Variants in SLC5A12 observed in about 807,000 individuals in gnomAD.
SLC5A12 encodes the protein solute carrier family 5 member 12, also known as sodium-coupled monocarboxylate transporter 2.
Under a neutral mutation model 72.7 loss-of-function variants are expected in SLC5A12, and 46 were observed. The observed-to-expected ratio is 0.63, with a 90% confidence interval of 0.50 to 0.81. The LOEUF is 0.81. Ranked by LOEUF, SLC5A12 falls within the 30% of genes least tolerant of loss-of-function variation. The pLI, the probability that SLC5A12 is intolerant of heterozygous loss-of-function variation, is 0.00. For missense variants in SLC5A12, 683 were observed against 740.7 expected (o/e 0.92, Z 0.90); for synonymous variants, 275 against 264.4 (o/e 1.04, Z -0.39).
intron 11 of SLC5A12, 24 bp downstream of exon 11, chr11:26,683,733 T>C (rs1359602766): frequency 6.4e-7 from 1 of 1,557,352 alleles, no homozygotes; most frequent in South Asian, 1.2e-5. Context: ...CTGGGAATTG[T>C]GAAGAGGGCT....
chr11:26,722,683 G>C (rs1855504158), upstream of SLC5A12, among the ~76,000 whole-genome samples: 1 of 152,032 alleles, frequency 6.6e-6, no homozygotes, highest in Admixed American at 6.6e-5. Context: ...GGCTAAGTTA[G>C]AATTAGGACC....
Position 26,703,802 on chromosome 11 carries a change from T to C in SLC5A12, c.671A>G (p.His224Arg), listed in dbSNP as rs570192311. 3.1e-6 allele frequency: 5 copies of C among 1,613,916 alleles called. No homozygotes were observed. In the African/African-American group the frequency reaches 5.3e-5, roughly 17 times the overall value. Residue 224 changes from histidine (H) to arginine (R), a missense_variant, in exon 5 of 15, where the codon CAT becomes CGT. By Grantham distance (29) the His-to-Arg change is conservative. Coordinates refer to ENST00000396005, the MANE Select transcript of SLC5A12 (RefSeq NM_178498.4). ...LEQSTNGSRL[H>R]IFDFDVDPLR... ...GTTGCATTGGACATACTCAAATATA[T>C]GTAGTCGAGATCCATTTGTTGATTG...
chr11:26,712,898 T>A (rs974417972), intron 1 of SLC5A12, among the ~76,000 whole-genome samples, 192 bp from the exon 2 acceptor site: 2 of 152,112 alleles, frequency 1.3e-5, no homozygotes, highest in Non-Finnish European at 2.9e-5. Flanking sequence ...AAAATCAATT[T>A]CTGTTCGTGT....
intron 14 of SLC5A12, 21 bp from the exon 15 acceptor site, chr11:26,671,272 C>A (rs747199234): frequency 6.4e-7 from 1 of 1,565,130 alleles, no homozygotes; most frequent in Non-Finnish European, 8.7e-7. Flanking sequence ...TACAAAGACA[C>A]ATATTAGCAA....
intron 8 of SLC5A12, among the ~76,000 whole-genome samples, chr11:26,695,505 G>A (rs1293448566): frequency 6.6e-6 from 1 of 152,086 alleles, no homozygotes; most frequent in Non-Finnish European, 1.5e-5. Flanking sequence ...ACAGAATGGA[G>A]AAACCTTTTT....
chr11:26,702,189 T>G (rs1854973621), intron 6 of SLC5A12, among the ~76,000 whole-genome samples: 1 of 152,124 alleles, frequency 6.6e-6, no homozygotes, highest in South Asian at 2.1e-4. Context: ...GATGACCACA[T>G]GTGTGGAGGG....
At chr11:26,674,642 A>T (rs1287121529) in intron 13 of SLC5A12, among the ~76,000 whole-genome samples, 7 of 152,118 alleles carry the variant, frequency 4.6e-5, no homozygotes, top group African/African-American at 1.7e-4. Context: ...ACCTCAGGTG[A>T]TCTGCCCACC....
intron 14 of SLC5A12, 103 bp from the exon 15 acceptor site, chr11:26,671,354 A>G (rs1854138639): frequency 1.0e-6 from 1 of 954,108 alleles, no homozygotes; most frequent in Non-Finnish European, 1.5e-6. Context: ...AATTATATAT[A>G]TGTACAAAAG....
intron 9 of SLC5A12, among the ~76,000 whole-genome samples, chr11:26,690,099 G>A (rs946188697): frequency 6.6e-6 from 1 of 152,146 alleles, no homozygotes; most frequent in Admixed American, 6.6e-5. Context: ...CTAGGTGGAA[G>A]GCTTACAAAG....
At chr11:26,721,261 T>G (rs1445061671) in intron 1 of SLC5A12, 115 bp downstream of exon 1, 4 of 793,434 alleles carry the variant, frequency 5.0e-6, no homozygotes, top group Non-Finnish European at 7.9e-6. Context: ...CATTTTAATG[T>G]CTTTCTCATA....
chr11:26,708,524 A>T (rs1014461261), intron 4 of SLC5A12, among the ~76,000 whole-genome samples: 1 of 152,118 alleles, frequency 6.6e-6, no homozygotes, highest in African/African-American at 2.4e-5. Flanking sequence ...ACCAAAATAC[A>T]TGAATCATCT....
chr11:26,722,681 T>G (rs1855504097), upstream of SLC5A12, among the ~76,000 whole-genome samples: 1 of 152,148 alleles, frequency 6.6e-6, no homozygotes, highest in Non-Finnish European at 1.5e-5. Context: ...CAGGCTAAGT[T>G]AGAATTAGGA....
At chr11:26,686,925 A>G (rs1854549859) in intron 9 of SLC5A12, among the ~76,000 whole-genome samples, 1 of 152,236 alleles carries the variant, frequency 6.6e-6, no homozygotes, top group African/African-American at 2.4e-5. Flanking sequence ...GAGCTGAAAA[A>G]GAAGCTACTA....
chr11:26,669,264 T>G lies in SLC5A12; in HGVS notation c.*1838A>C, dbSNP rs779955661. The G allele has an allele frequency of 1.3e-5, 2 of 148,752 alleles. No homozygotes were observed. Among genetic ancestry groups the G allele is most frequent in the Non-Finnish European group, 3.0e-5 (2 of 66,958 alleles). 9.2% of individuals were successfully genotyped at this position (148,752 alleles called of 1,614,324 possible). A position where few individuals can be genotyped will look rare whatever the true frequency, so the allele number is the denominator to read the frequency against. On this transcript the variant is annotated 3_prime_UTR_variant, in exon 15 of 15. Transcript: ENST00000396005. Reference sequence around the variant, plus strand: ...CTTTCTCTCTTCTTTCCCTAAGATATTAATAAAGCTAACTAGTTTTGGCTC... The same window carrying G: ...CTTTCTCTCTTCTTTCCCTAAGATAGTAATAAAGCTAACTAGTTTTGGCTC...
At chr11:26,678,677 C>A in intron 13 of SLC5A12, 35 bp downstream of exon 13, 1 of 1,498,224 alleles carries the variant, frequency 6.7e-7, no homozygotes, top group South Asian at 1.1e-5. Context: ...GAGCCCATAT[C>A]TTCTTTAGTC....
Position 26,671,111 on chromosome 11 carries a change from G to A in SLC5A12, c.1848C>T (p.Thr616=). The A allele has an allele frequency of 1.2e-6, 2 of 1,610,542 alleles. No homozygotes were observed. The highest frequency in any genetic ancestry group is 1.7e-6 in the Non-Finnish European group (2 of 1,178,232). Residue 616 remains threonine, a synonymous_variant, in exon 15 of 15, where the codon ACC becomes ACT. Transcript: ENST00000396005. ...KSYNNMAFET[T]HF ...TCATACAGGTATTGCCTTAGAAATG[G>A]GTAGTCTCAAATGCCATATTGTTGT...
At chr11:26,709,185 G>A in intron 4 of SLC5A12, 127 bp downstream of exon 4, 1 of 598,018 alleles carries the variant, frequency 1.7e-6, no homozygotes, top group South Asian at 3.1e-5. Context: ...TGACAGATAA[G>A]CCGACATACT....
At position 26,669,580 on chromosome 11, in the gene SLC5A12, G is replaced by C. The variant is rs1854091034; in HGVS notation, c.*1522C>G. ...CTTTCTCCATTCTCCTTTTCTATTT[G>C]AGTGGAGGGAGAGAAGGCAAGGATT... is the stretch of plus-strand genomic sequence containing the variant. On this transcript the variant is annotated 3_prime_UTR_variant, in exon 15 of 15. Transcript: ENST00000396005. 6.6e-6 allele frequency: 1 copy of C among 151,342 alleles called. No individual in the cohort carries two copies. The highest frequency in any genetic ancestry group is 1.5e-5 in the Non-Finnish European group (1 of 67,866). 9.4% of individuals were successfully genotyped at this position (151,342 alleles called of 1,614,324 possible). A position where few individuals can be genotyped will look rare whatever the true frequency, so the allele number is the denominator to read the frequency against.
chr11:26,705,464 G>A (rs1454902854), intron 4 of SLC5A12, among the ~76,000 whole-genome samples: 1 of 152,238 alleles, frequency 6.6e-6, no homozygotes, highest in East Asian at 1.9e-4. Flanking sequence ...AAGAACTTTA[G>A]TGAAAAGATG....
Sources: allele counts gnomAD v4.1 joint callset (sites outside exome capture counted in the v4.1 genomes callset), GRCh38; gene constraint gnomAD v4.1.1; transcripts MANE v1.5; gene names NCBI Gene and HGNC (gene_info 2026-07-23, HGNC 2026-07-21).